APC: variants seen among roughly 807,000 people sequenced by gnomAD.
APC encodes the protein APC regulator of Wnt signaling pathway.
In APC, 72 loss-of-function variants were observed where a neutral mutation model predicts 247.0. The ratio of observed to expected loss-of-function variants is 0.29; its 90% confidence interval spans 0.24 to 0.35. The LOEUF (loss-of-function observed/expected upper bound fraction) is 0.35, where lower values mean the gene tolerates loss of function less well. Among genes scored for constraint, APC ranks in the 10% least tolerant of loss-of-function variants. APC has a pLI of 1.00. For synonymous variants in APC, 1,254 were observed against 1,162.5 expected (o/e 1.08, Z -1.60); for missense variants, 3,400 against 3,360.7 (o/e 1.01, Z -0.29).
Position 112,845,953 on chromosome 5 carries a change from C to G in APC, c.*1827C>G, listed in dbSNP as rs1271042051. The G allele has an allele frequency of 4.3e-6, 1 of 231,918 alleles. No homozygotes were observed. Among genetic ancestry groups the G allele is most frequent in the Non-Finnish European group, 8.5e-6 (1 of 117,344 alleles). 14.4% of individuals were successfully genotyped at this position (231,918 alleles called of 1,614,324 possible). On this transcript the variant is annotated 3_prime_UTR_variant, in exon 16 of 16. Transcript: ENST00000257430. Reference sequence around the variant, plus strand: ...CTACCTGGTGCCTTGAAAATCACATCAAGTAGTTAATTATCTACCCCTTAC... The same window carrying G: ...CTACCTGGTGCCTTGAAAATCACATGAAGTAGTTAATTATCTACCCCTTAC...
At position 112,828,897 on chromosome 5, in the gene APC, T is replaced by C. The variant is rs377045570; in HGVS notation, c.1668T>C (p.Asp556=). 1 of 1,613,820 alleles carries C rather than the reference T, an allele frequency of 6.2e-7. No individual in the cohort carries two copies. The highest frequency in any genetic ancestry group is 8.5e-7 in the Non-Finnish European group (1 of 1,179,874). ...SVLRNLSWRA[D]VNSKKTLREV... ...TGAGGAATTTGTCTTGGCGAGCAGATGTAAATAGTAAAAAGACGTTGCGAG... is the reference window on the plus strand; with the variant it reads ...TGAGGAATTTGTCTTGGCGAGCAGACGTAAATAGTAAAAAGACGTTGCGAG... Residue 556 remains aspartate, a synonymous_variant, in exon 14 of 16, where the codon GAT becomes GAC. Transcript: ENST00000257430.
At chr5:112,726,779 A>G (rs1260437131) in intron 1 of APC, among the ~76,000 whole-genome samples, 3 of 152,146 alleles carry the variant, frequency 2.0e-5, no homozygotes, top group Non-Finnish European at 2.9e-5. Flanking sequence ...TAAAAGGTGT[A>G]TGACACTTAA....
At position 112,842,763 on chromosome 5, in the gene APC, G is replaced by T. The variant is rs1554088097; in HGVS notation, c.7169G>T (p.Ser2390Ile). The part of the protein sequence containing the change: ...KQTGLSKNAS[S>I]IPRSESASKG... ...ACAGGTTTATCCAAGAATGCCAGTA[G>T]TATTCCAAGAAGTGAGTCTGCCTCC... Residue 2390 changes from serine to isoleucine, a missense_variant, in exon 16 of 16, where the codon AGT (serine) becomes ATT (isoleucine). By Grantham distance (142) the Ser-to-Ile change is moderately radical. This residue lies in a region of APC where 1,788 missense variants were observed against 1,649.5 expected (regional missense o/e 1.08). Coordinates refer to ENST00000257430, the MANE Select transcript of APC (RefSeq NM_000038.6). 1.2e-6 allele frequency: 2 copies of T among 1,613,978 alleles called. No individual in the cohort carries two copies. The highest frequency in any genetic ancestry group is 1.7e-6 in the Non-Finnish European group (2 of 1,179,884).
At chr5:112,709,156 G>T (rs1750701606) in intron 1 of APC, among the ~76,000 whole-genome samples, 1 of 152,198 alleles carries the variant, frequency 6.6e-6, no homozygotes, top group African/African-American at 2.4e-5. Flanking sequence ...AGTTATGCTA[G>T]ATGTTCTCCA....
At chr5:112,792,356 C>T in intron 6 of APC, 90 bp from the exon 7 acceptor site, 1 of 850,440 alleles carries the variant, frequency 1.2e-6, no homozygotes, top group South Asian at 1.6e-5. Context: ...TGACATAACC[C>T]TGAGCTTTTA....
chr5:112,810,568 G>GT (rs1761887273), intron 8 of APC, among the ~76,000 whole-genome samples: 1 of 152,142 alleles, frequency 6.6e-6, no homozygotes, highest in Admixed American at 6.5e-5. Flanking sequence ...AAAGAGTTAC[G>GT]TAAGTTTCTC....
chr5:112,837,368 T>C (rs1765045253), intron 15 of APC, among the ~76,000 whole-genome samples, 185 bp from the exon 16 acceptor site: 1 of 151,628 alleles, frequency 6.6e-6, no homozygotes, highest in Non-Finnish European at 1.5e-5. Context: ...TTTTTTAGTG[T>C]GACAGATTAG....
intron 5 of APC, among the ~76,000 whole-genome samples, chr5:112,780,484 A>G (rs1758200706): frequency 6.6e-6 from 1 of 152,198 alleles, no homozygotes. Context: ...TCATAAGGCA[A>G]CTGAATTTAA....
intron 14 of APC, among the ~76,000 whole-genome samples, chr5:112,830,980 CT>C (rs1191469745): frequency 1.3e-5 from 2 of 152,198 alleles, no homozygotes; most frequent in African/African-American, 4.8e-5. Flanking sequence ...TGCTTGCACA[CT>C]TAAGTACTCC....
intron 2 of APC, 68 bp from the exon 3 acceptor site, chr5:112,766,258 A>C: frequency 1.7e-6 from 2 of 1,189,294 alleles, no homozygotes; most frequent in Non-Finnish European, 2.5e-6. Flanking sequence ...TTAAATGTCA[A>C]GAAATACAGA....
At position 112,799,393 on chromosome 5, in the gene APC, G is replaced by A. The variant is rs518013; in HGVS notation, c.730-1886G>A. ...AATGTAGGAGTAATACTCCACACCAGACCTCTTCCTCCACTCCCCATATCC... is the reference window on the plus strand; with the variant it reads ...AATGTAGGAGTAATACTCCACACCAAACCTCTTCCTCCACTCCCCATATCC... On this transcript the variant is annotated intron_variant, in intron 7 of 15. Coordinates refer to ENST00000257430, the MANE Select transcript of APC (RefSeq NM_000038.6). Among the ~76,000 whole-genome samples the A allele has an allele frequency of 0.4, 60,508 of 151,536 alleles. 14,352 individuals are homozygous for A. Among genetic ancestry groups the A allele is most frequent in the East Asian group, 0.69 (3,493 of 5,098 alleles).
chr5:112,838,194 C>A lies in APC; in HGVS notation c.2600C>A (p.Thr867Lys), dbSNP rs374813438. The change falls in exon 16 of 16, where the codon ACA (threonine) becomes AAA (lysine). Residue 867 changes from threonine (T) to lysine (K), a missense_variant. Thr to Lys is a moderately conservative substitution (Grantham distance 78, BLOSUM62 -1). This residue lies in a region of APC where 715 missense variants were observed against 656.6 expected (regional missense o/e 1.09). Transcript: ENST00000257430. ...GIGLGNYHPA[T>K]ENPGTSSKRG... ...GGTCTAGGCAACTACCATCCAGCAA[C>A]AGAAAATCCAGGAACTTCTTCAAAG... 1 of 1,614,158 alleles carries A rather than the reference C, an allele frequency of 6.2e-7. No individual in the cohort carries two copies. Among genetic ancestry groups the A allele is most frequent in the African/African-American group, 1.3e-5 (1 of 75,038 alleles).
rs1554067149 is a variant in APC, at chr5:112,755,001, G to A, written c.111G>A (p.Leu37=). ...LEDNSNHLTK[L]ETEASNMKEV... ...ATAATTCCAATCATCTTACAAAACT[G>A]GAAACTGAGGCATCTAATATGAAGG... is the stretch of plus-strand genomic sequence containing the variant. Residue 37 remains leucine (L), a synonymous_variant, in exon 2 of 16, where the codon CTG becomes CTA. Coordinates refer to ENST00000257430, the MANE Select transcript of APC (RefSeq NM_000038.6). 6.2e-7 allele frequency: 1 copy of A among 1,613,664 alleles called. No homozygotes were observed. The highest frequency in any genetic ancestry group is 8.5e-7 in the Non-Finnish European group (1 of 1,179,744).
chr5:112,820,937 C>T (rs146614811), intron 10 of APC, among the ~76,000 whole-genome samples: 2,627 of 152,214 alleles, frequency 0.017, 81 homozygotes, highest in African/African-American at 0.061. Context: ...TCACAGTTCA[C>T]TGCAGCCTCA....
intron 2 of APC, among the ~76,000 whole-genome samples, chr5:112,759,472 C>T (rs1460250289): frequency 6.6e-6 from 1 of 151,514 alleles, no homozygotes; most frequent in African/African-American, 2.4e-5. Context: ...AATCTCCTGC[C>T]TCAGCCTCCC....
intron 7 of APC, among the ~76,000 whole-genome samples, chr5:112,799,756 TC>T (rs1760611735): frequency 6.6e-6 from 1 of 152,250 alleles, no homozygotes; most frequent in East Asian, 1.9e-4. Context: ...TTCTTTTTGT[TC>T]TACTTTCCTC....
At chr5:112,744,754 T>C (rs551960213) in intron 1 of APC, among the ~76,000 whole-genome samples, 1 of 152,178 alleles carries the variant, frequency 6.6e-6, no homozygotes, top group Non-Finnish European at 1.5e-5. Flanking sequence ...TTGAGGAAGG[T>C]TATCTTGGAA....
rs538413487 is a variant in APC, at chr5:112,756,606, T to C, written c.135+1581T>C. 3.3e-5 allele frequency among the ~76,000 whole-genome samples: 5 copies of C among 152,312 alleles called. No individual in the cohort carries two copies. The East Asian group carries it at 9.6e-4, about 29-fold the overall frequency. On this transcript the variant is annotated intron_variant, in intron 2 of 15. Coordinates refer to ENST00000257430, the MANE Select transcript of APC (RefSeq NM_000038.6). ...GGCAGGCCTGTTTAGATAGTACATG[T>C]CTGTTTTGTAGTGTAGAACTCTGAG... is the stretch of plus-strand genomic sequence containing the variant.
At chr5:112,719,564 G>A (rs919815498) in intron 1 of APC, among the ~76,000 whole-genome samples, 1 of 145,086 alleles carries the variant, frequency 6.9e-6, no homozygotes, top group African/African-American at 2.6e-5. Flanking sequence ...TTTGGAGACA[G>A]AGTCTTACTG....
Sources: gnomAD v4.1 joint callset for allele counts (sites outside exome capture counted in the v4.1 genomes callset) on GRCh38, gnomAD v4.1.1 for gene constraint, gnomAD v4.1.1 regional missense constraint, MANE v1.5 for transcripts, NCBI Gene and HGNC (gene_info 2026-07-23, HGNC 2026-07-21) for gene names.